CELF2: variants seen among roughly 807,000 people sequenced by gnomAD.
The protein encoded by CELF2 is CUG triplet repeat RNA-binding protein 2.
A neutral mutation model predicts 62.6 loss-of-function variants in CELF2; 8 were observed. The observed-to-expected ratio is 0.13, with a 90% CI of 0.07 to 0.23. The LOEUF is 0.23. Ranked by LOEUF, CELF2 falls within the 10% of genes least tolerant of loss-of-function variation. The pLI, the probability that CELF2 is intolerant of heterozygous loss-of-function variation, is 1.00. For missense variants in CELF2, 333 were observed against 671.0 expected, an observed-to-expected ratio of 0.50 and a Z score of 5.56; for synonymous variants, 258 against 250.0, an observed-to-expected ratio of 1.03 and a Z score of -0.30.
At chr10:11,188,874 C>G (rs954035199) in intron 2 of CELF2, among the ~76,000 whole-genome samples, 1 of 152,114 alleles carries the variant, frequency 6.6e-6, no homozygotes, top group South Asian at 2.1e-4. Flanking sequence ...ACAGTTCACT[C>G]ATCTTTTCTT....
the CELF2 span, among the ~76,000 whole-genome samples, chr10:10,788,710 G>A: frequency 8.6e-5 from 13 of 152,034 alleles, no homozygotes; most frequent in African/African-American, 2.7e-4. Flanking sequence ...TGATCTGCCC[G>A]CCTTAACCTC....
In CELF2 at chr10:10,990,996, C is replaced by T. The variant is rs2053370042; in HGVS notation, c.89+70997C>T. Among the ~76,000 whole-genome samples the T allele has an allele frequency of 6.6e-6, 1 of 151,554 alleles. No homozygotes were observed. Among genetic ancestry groups the T allele is most frequent in the Admixed American group, 6.6e-5 (1 of 15,212 alleles). ...GTGTGTGTGTGTGTGTGTGCCCACA[C>T]GTGTGTGTTGTTTTGTTTGTGTGAG... On this transcript the variant is annotated intron_variant, in intron 2 of 13. Transcript: ENST00000636488. The surrounding 1 kb of genome is among the most constrained non-coding windows in gnomAD (Gnocchi z 4.6).
At position 11,329,104 on chromosome 10, in the gene CELF2, C is replaced by T. The variant is rs2095909765; in HGVS notation, c.*51C>T. On this transcript the variant is annotated 3_prime_UTR_variant, in exon 13 of 13. Transcript: ENST00000633077. The surrounding 1 kb of genome is among the most constrained non-coding windows in gnomAD (Gnocchi z 5.5). ...TCATTTTAGCTTTCTTAGGGTAAGT[C>T]CCACGAGCCAGCCTGTCTCAACAGG... The T allele has an allele frequency of 6.5e-7, 1 of 1,548,228 alleles. No individual in the cohort carries two copies. The highest frequency in any genetic ancestry group is 8.8e-7 in the Non-Finnish European group (1 of 1,137,104).
the CELF2 span, among the ~76,000 whole-genome samples, chr10:10,616,189 G>A: frequency 1.3e-5 from 2 of 152,034 alleles, no homozygotes; most frequent in Non-Finnish European, 2.9e-5. Flanking sequence ...ATGTTCCCTA[G>A]TTCAGTGTTT....
In CELF2 at chr10:11,184,930, G is replaced by T. The variant is rs183616246; in HGVS notation, c.271+19248G>T. On this transcript the variant is annotated intron_variant, in intron 2 of 12. Transcript: ENST00000633077. ...CACTATGGAGGTGAATAGAAATAGT[G>T]AGAGCAGACATTATTATCATGTTCT... 4.0e-3 allele frequency among the ~76,000 whole-genome samples: 581 copies of T among 145,274 alleles called. 2 individuals are homozygous for T. The highest frequency in any genetic ancestry group is 0.016 in the African/African-American group (553 of 34,986).
chr10:10,943,775 TTG>T lies in CELF2; in HGVS notation c.89+23778_89+23779del, dbSNP rs1491574830. Among the ~76,000 whole-genome samples the T allele has an allele frequency of 5.3e-5, 8 of 151,492 alleles. 1 individual carries two copies. Among genetic ancestry groups the T allele is most frequent in the Middle Eastern group, 3.2e-3 (1 of 314 alleles). ...CACTACTCCCAGCTTTTTTTTTGTT[TTG>T]TTTTTGGAGAGATGGCGTTTTGCCA... On this transcript the variant is annotated intron_variant, in intron 2 of 13. Transcript: ENST00000636488.
intron 1 of CELF2, among the ~76,000 whole-genome samples, chr10:11,113,399 G>A (rs1191853678): frequency 6.6e-6 from 1 of 152,134 alleles, no homozygotes; most frequent in Non-Finnish European, 1.5e-5. Context: ...AATGTTATAG[G>A]AGGCGTTCTC....
At chr10:10,836,340 G>A (rs1438109426) in intron 1 of CELF2, among the ~76,000 whole-genome samples, 5 of 152,246 alleles carry the variant, frequency 3.3e-5, no homozygotes, top group African/African-American at 1.2e-4. Context: ...GTGGTGTTAC[G>A]GACACTGATA....
chr10:11,223,474 C>T lies in CELF2; in HGVS notation c.354+5967C>T, dbSNP rs921216482. ...AGAATTTGGCCTGGGCTGAGAAATT[C>T]GCCCTCATGGGACTGCCTAGGAGGA... On this transcript the variant is annotated intron_variant, in intron 3 of 12. Coordinates refer to ENST00000633077, the MANE Select transcript of CELF2 (RefSeq NM_001326342.2). This position sits in a 1 kb window ranked among gnomAD's most constrained non-coding sequence, Gnocchi z 5.1. 6.6e-6 allele frequency among the ~76,000 whole-genome samples: 1 copy of T among 152,238 alleles called. No homozygotes were observed. Among genetic ancestry groups the T allele is most frequent in the African/African-American group, 2.4e-5 (1 of 41,444 alleles).
Position 10,906,839 on chromosome 10 carries a change from C to T in CELF2, c.54-13125C>T, listed in dbSNP as rs374063850. 5.0e-4 allele frequency among the ~76,000 whole-genome samples: 76 copies of T among 151,366 alleles called. 2 individuals are homozygous for T. In the South Asian group the frequency reaches 0.016, roughly 31 times the overall value. On this transcript the variant is annotated intron_variant, in intron 1 of 13. Coordinates refer to the CELF2 transcript ENST00000636488. ...GTTCAAGCAATTCTCCTGCATCAGCCTCCTGAGTAGCTGGAATTACAGGCA... is the reference window on the plus strand; with the variant it reads ...GTTCAAGCAATTCTCCTGCATCAGCTTCCTGAGTAGCTGGAATTACAGGCA...
At chr10:10,475,712 C>G in the CELF2 span, among the ~76,000 whole-genome samples, 1 of 152,058 alleles carries the variant, frequency 6.6e-6, no homozygotes. Flanking sequence ...AGAAGTGCTT[C>G]TAGTTACTTG....
the CELF2 span, among the ~76,000 whole-genome samples, chr10:10,719,402 G>A: frequency 1.3e-5 from 2 of 152,100 alleles, no homozygotes; most frequent in African/African-American, 4.8e-5. Context: ...GGGACTACAA[G>A]AATGTTCCAC....
At chr10:10,718,463 A>C in the CELF2 span, among the ~76,000 whole-genome samples, 1 of 152,040 alleles carries the variant, frequency 6.6e-6, no homozygotes, top group East Asian at 1.9e-4. Flanking sequence ...CTCTGTACTA[A>C]AAATACAAAA....
intron 1 of CELF2, among the ~76,000 whole-genome samples, chr10:11,037,209 G>A (rs774676624): frequency 3.9e-5 from 6 of 152,208 alleles, no homozygotes; most frequent in African/African-American, 7.2e-5. Flanking sequence ...CTTATATGGC[G>A]CAAGCAAGAG....
the CELF2 span, among the ~76,000 whole-genome samples, chr10:10,757,997 C>T: frequency 1.3e-5 from 2 of 152,184 alleles, no homozygotes; most frequent in South Asian, 4.1e-4. Context: ...ACTCTGTCTA[C>T]AGGTATCACA....
the CELF2 span, among the ~76,000 whole-genome samples, chr10:10,487,781 C>T: frequency 6.6e-6 from 1 of 151,962 alleles, no homozygotes; most frequent in Admixed American, 6.6e-5. Context: ...AAAATGAATA[C>T]CAAATGAATT....
intron 1 of CELF2, among the ~76,000 whole-genome samples, chr10:10,875,476 A>G (rs969771438): frequency 3.9e-5 from 6 of 152,196 alleles, no homozygotes; most frequent in Admixed American, 2.6e-4. Flanking sequence ...ATAAAAATTG[A>G]TACACAATCT....
chr10:10,793,607 C>T (rs369731758), upstream of CELF2, among the ~76,000 whole-genome samples: 5 of 152,142 alleles, frequency 3.3e-5, no homozygotes, highest in Admixed American at 6.5e-5. Flanking sequence ...CTTAAAAATG[C>T]GTTCAACTAG....
chr10:11,311,071 G>A lies in CELF2; in HGVS notation c.977-3068G>A, dbSNP rs766930212. 1.2e-4 allele frequency among the ~76,000 whole-genome samples: 19 copies of A among 152,044 alleles called. No individual in the cohort carries two copies. The highest frequency in any genetic ancestry group is 1.6e-4 in the Non-Finnish European group (11 of 68,004). The stretch of plus-strand genomic sequence containing the variant: ...AAGGCTCCTGTGCAGTATCTAATAG[G>A]AGACCCTCCCCATACGAGCCTGAAA... On this transcript the variant is annotated intron_variant, in intron 9 of 12. Coordinates refer to ENST00000633077, the MANE Select transcript of CELF2 (RefSeq NM_001326342.2). The surrounding 1 kb of genome is among the most constrained non-coding windows in gnomAD (Gnocchi z 4.7).
Sources: gnomAD v4.1 joint callset for allele counts (sites outside exome capture counted in the v4.1 genomes callset) on GRCh38, gnomAD v4.1.1 for gene constraint, Gnocchi (gnomAD v3.1) non-coding constraint, MANE v1.5 for transcripts, NCBI Gene and HGNC (gene_info 2026-07-23, HGNC 2026-07-21) for gene names.